BLTP2: variants seen among roughly 807,000 people sequenced by gnomAD.
BLTP2 encodes bridge-like lipid transfer protein family member 2, also known as U937-associated antigen.
the BLTP2 span, chr17:28,638,519 C>G: frequency 6.2e-7 from 1 of 1,604,932 alleles, no homozygotes; most frequent in Non-Finnish European, 8.5e-7. Context: ...ATCTGAGAGC[C>G]TTACCCAGAG....
chr17:28,623,240 A>G, the BLTP2 span, among the ~76,000 whole-genome samples: 1 of 152,194 alleles, frequency 6.6e-6, no homozygotes, highest in African/African-American at 2.4e-5. Flanking sequence ...GTGAGGGTGA[A>G]GTATCAATTC....
the BLTP2 span, chr17:28,615,896 C>T: frequency 6.9e-6 from 9 of 1,309,240 alleles, no homozygotes; most frequent in African/African-American, 1.5e-5. Flanking sequence ...CCAAGTCCTA[C>T]AATAGTAACC....
chr17:28,631,780 G>C, the BLTP2 span: 1 of 1,606,304 alleles, frequency 6.2e-7, no homozygotes. Context: ...GGAAAAACAA[G>C]GAACAGGATA....
the BLTP2 span, chr17:28,643,582 G>A: frequency 6.2e-7 from 1 of 1,602,722 alleles, no homozygotes; most frequent in South Asian, 1.1e-5. Context: ...ACTCTTCTAG[G>A]GGAGAAGTGA....
chr17:28,626,984 C>T, the BLTP2 span, among the ~76,000 whole-genome samples: 1 of 152,118 alleles, frequency 6.6e-6, no homozygotes, highest in Non-Finnish European at 1.5e-5. Flanking sequence ...AGGAGAAGGG[C>T]GGGCTTAGAG....
At chr17:28,632,618 A>G in the BLTP2 span, among the ~76,000 whole-genome samples, 200 of 152,180 alleles carry the variant, frequency 1.3e-3, no homozygotes, top group Non-Finnish European at 2.1e-3. Context: ...GCAAAAAGGC[A>G]CCATCTATGA....
At chr17:28,632,918 C>A in the BLTP2 span, 18 of 1,488,202 alleles carry the variant, frequency 1.2e-5, no homozygotes, top group Non-Finnish European at 1.6e-5. Context: ...CCTTCCTCCC[C>A]ACTGCCCCAG....
the BLTP2 span, chr17:28,620,528 T>G: frequency 6.2e-7 from 1 of 1,614,062 alleles, no homozygotes; most frequent in Non-Finnish European, 8.5e-7. Flanking sequence ...AGGTTCTACA[T>G]GGAGCAGCAG....
the BLTP2 span, chr17:28,615,274 A>T: frequency 6.4e-7 from 1 of 1,560,200 alleles, no homozygotes; most frequent in Non-Finnish European, 8.7e-7. Context: ...AGTAAAAGAA[A>T]ATGTAAATAT....
chr17:28,616,621 T>G, the BLTP2 span: 3 of 1,614,230 alleles, frequency 1.9e-6, no homozygotes, highest in African/African-American at 1.3e-5. The surrounding 1 kb of genome is among the most constrained non-coding windows in gnomAD (Gnocchi z 4.8). Flanking sequence ...TTCTCACCAG[T>G]AGTCACCAGT....
At chr17:28,637,453 C>T in the BLTP2 span, among the ~76,000 whole-genome samples, 1 of 152,192 alleles carries the variant, frequency 6.6e-6, no homozygotes, top group Non-Finnish European at 1.5e-5. Context: ...TCTCTCTTGA[C>T]TAGATCAAGG....
the BLTP2 span, chr17:28,634,741 C>G: frequency 6.2e-7 from 1 of 1,614,142 alleles, no homozygotes; most frequent in Non-Finnish European, 8.5e-7. Flanking sequence ...ACGACGGGAA[C>G]GCTGGATGTA....
At chr17:28,629,064 G>A in the BLTP2 span, among the ~76,000 whole-genome samples, 1 of 151,644 alleles carries the variant, frequency 6.6e-6, no homozygotes, top group Non-Finnish European at 1.5e-5. Context: ...ATCAAAAAAC[G>A]TTTTCAGAGT....
At chr17:28,640,822 G>A in the BLTP2 span, 35 of 726,292 alleles carry the variant, frequency 4.8e-5, no homozygotes, top group Middle Eastern at 3.3e-4. Flanking sequence ...ACCATAAGGC[G>A]AATGCCCCAG....
chr17:28,643,563 C>A, the BLTP2 span: 5 of 1,576,792 alleles, frequency 3.2e-6, no homozygotes, highest in Non-Finnish European at 4.4e-6. Flanking sequence ...CAAACACCAA[C>A]TCCAAAGTAC....
chr17:28,637,280 C>T, the BLTP2 span: 1 of 830,576 alleles, frequency 1.2e-6, no homozygotes, highest in Non-Finnish European at 2.0e-6. Flanking sequence ...CCTCATGCCT[C>T]CCTAAGTTCA....
chr17:28,619,846 T>C, the BLTP2 span: 3 of 1,613,810 alleles, frequency 1.9e-6, no homozygotes, highest in Non-Finnish European at 2.5e-6. Context: ...AAACTATCTA[T>C]CTGCAGTGAC....
chr17:28,643,053 GAA>G, the BLTP2 span: 3 of 1,529,016 alleles, frequency 2.0e-6, no homozygotes, highest in Non-Finnish European at 2.7e-6. Flanking sequence ...TTCCAGATGA[GAA>G]AGAGGGGCAG....
At chr17:28,640,122 C>T in the BLTP2 span, 1 of 1,349,318 alleles carries the variant, frequency 7.4e-7, no homozygotes, top group East Asian at 2.5e-5. Flanking sequence ...TGGCCAGGCG[C>T]AGTGGCTCAC....
Sources: allele counts gnomAD v4.1 joint callset (sites outside exome capture counted in the v4.1 genomes callset), GRCh38; gene constraint gnomAD v4.1.1; non-coding constraint Gnocchi (gnomAD v3.1); transcripts MANE v1.5; gene names NCBI Gene and HGNC (gene_info 2026-07-23, HGNC 2026-07-21).